The following RNF6 variants were observed in gnomAD, a reference collection of about 807,000 sequenced individuals.
RNF6 encodes ring finger protein 6.
Under a neutral mutation model 50.1 loss-of-function variants are expected in RNF6, and 21 were observed. The ratio of observed to expected loss-of-function variants is 0.42; its 90% CI spans 0.30 to 0.60. The LOEUF (loss-of-function observed/expected upper bound fraction) is 0.60, where lower values mean the gene tolerates loss of function less well. Ranked by LOEUF, RNF6 falls within the 20% of genes least tolerant of loss-of-function variation. RNF6 has a pLI of 0.20. For missense variants in RNF6, 698 were observed against 838.2 expected, an observed-to-expected ratio of 0.83 and a Z score of 2.07; for synonymous variants, 255 against 291.8, an observed-to-expected ratio of 0.87 and a Z score of 1.29.
chr13:26,148,650 A>C lies in RNF6; in HGVS notation n.769-16199T>G, dbSNP rs1296068641. On this transcript the variant is annotated intron_variant and non_coding_transcript_variant, in intron 5 of 5. Transcript: ENST00000468480. ...AATCTCTTTATATATATATATATATATATATATATATATATATATATGAGG... is the reference window on the plus strand; with the variant it reads ...AATCTCTTTATATATATATATATATCTATATATATATATATATATATGAGG... 1.3e-4 allele frequency among the ~76,000 whole-genome samples: 17 copies of C among 129,070 alleles called. 1 individual carries two copies. Among genetic ancestry groups the C allele is most frequent in the African/African-American group, 4.8e-4 (17 of 35,096 alleles). The allele number at this position is 129,070 out of a possible 152,430, so 84.7% of individuals were successfully genotyped here.
In RNF6 at chr13:26,136,212, G is replaced by A. The variant is rs779283991; in HGVS notation, n.769-3761C>T. On this transcript the variant is annotated intron_variant and non_coding_transcript_variant, in intron 5 of 5. Coordinates refer to the RNF6 transcript ENST00000468480. ...AAAATTCATCTTGCAGAGCAGCTCA[G>A]TAGAAAAGCATCTACCCTTATAGTC... Among the ~76,000 whole-genome samples the A allele has an allele frequency of 3.4e-4, 52 of 152,280 alleles. 1 individual carries two copies. The highest frequency in any genetic ancestry group is 7.8e-4 in the Admixed American group (12 of 15,292).
chr13:26,146,046 C>T (rs931991313), intron 5 of RNF6, among the ~76,000 whole-genome samples: 3 of 152,194 alleles, frequency 2.0e-5, no homozygotes, highest in African/African-American at 2.4e-5. Context: ...ACCACAGTGA[C>T]ATTTTGGGTC....
At chr13:26,194,750 C>T (rs1353226082) in intron 5 of RNF6, among the ~76,000 whole-genome samples, 1 of 152,160 alleles carries the variant, frequency 6.6e-6, no homozygotes, top group African/African-American at 2.4e-5. Flanking sequence ...AGTCCCAAAA[C>T]TGAAGAACTT....
intron 5 of RNF6, among the ~76,000 whole-genome samples, chr13:26,203,735 G>T (rs1196364384): frequency 6.6e-6 from 1 of 152,236 alleles, no homozygotes; most frequent in Non-Finnish European, 1.5e-5. Flanking sequence ...GCCCAGGCGG[G>T]CAGATCACGA....
intron 5 of RNF6, among the ~76,000 whole-genome samples, chr13:26,183,156 T>C (rs745410764): frequency 1.3e-5 from 2 of 152,220 alleles, no homozygotes; most frequent in African/African-American, 2.4e-5. Flanking sequence ...TCTATAGAAA[T>C]CTGTTATATG....
chr13:26,144,026 T>C (rs1409177968), intron 5 of RNF6, among the ~76,000 whole-genome samples: 1 of 152,180 alleles, frequency 6.6e-6, no homozygotes, highest in African/African-American at 2.4e-5. Flanking sequence ...GGAAGCAGTC[T>C]AATGTAATCA....
At chr13:26,203,554 A>T (rs1368821624) in intron 5 of RNF6, among the ~76,000 whole-genome samples, 1 of 152,258 alleles carries the variant, frequency 6.6e-6, no homozygotes. Flanking sequence ...GCTCAGGCCC[A>T]GGCCATGCTT....
At chr13:26,149,067 A>G (rs1871416876) in intron 5 of RNF6, 1 of 152,064 alleles carries the variant, frequency 6.6e-6, no homozygotes, top group Non-Finnish European at 1.5e-5. Context: ...ATCTCATCCA[A>G]AAATAGCCTC....
At chr13:26,134,684 T>C (rs527851653) in intron 5 of RNF6, among the ~76,000 whole-genome samples, 19 of 152,114 alleles carry the variant, frequency 1.2e-4, no homozygotes, top group Non-Finnish European at 2.5e-4. Context: ...TTTTTCTTTA[T>C]ATAATGCCCA....
At chr13:26,195,336 A>C (rs960929346) in intron 5 of RNF6, among the ~76,000 whole-genome samples, 27 of 152,318 alleles carry the variant, frequency 1.8e-4, no homozygotes, top group Admixed American at 5.2e-4. Flanking sequence ...ATCTTAACAG[A>C]AACCAAAGCT....
intron 5 of RNF6, among the ~76,000 whole-genome samples, chr13:26,195,626 C>T (rs73158291): frequency 0.07 from 10,646 of 152,186 alleles, 470 homozygotes; most frequent in African/African-American, 0.11. Context: ...AAATCAAAGA[C>T]AAATTAAAAA....
intron 5 of RNF6, among the ~76,000 whole-genome samples, chr13:26,179,511 G>C (rs1467588949): frequency 6.6e-6 from 1 of 152,308 alleles, no homozygotes; most frequent in East Asian, 1.9e-4. Context: ...AGGACCTCCT[G>C]TTCTGGGAGG....
At chr13:26,169,396 T>A (rs1045912337) in intron 5 of RNF6, among the ~76,000 whole-genome samples, 8 of 152,036 alleles carry the variant, frequency 5.3e-5, no homozygotes, top group Non-Finnish European at 1.0e-4. Context: ...CTGAAGAACA[T>A]TAACTCCCTG....
intron 5 of RNF6, among the ~76,000 whole-genome samples, chr13:26,188,908 A>G (rs980228380): frequency 3.3e-5 from 5 of 151,894 alleles, no homozygotes; most frequent in Admixed American, 1.3e-4. Flanking sequence ...GATTACAAGC[A>G]TGAGCCACTG....
chr13:26,145,750 C>A (rs1871201095), intron 5 of RNF6, among the ~76,000 whole-genome samples: 1 of 152,178 alleles, frequency 6.6e-6, no homozygotes, highest in Non-Finnish European at 1.5e-5. Context: ...CGATGGGGCA[C>A]TGATCTCTGA....
intron 5 of RNF6, among the ~76,000 whole-genome samples, chr13:26,176,492 T>C (rs531164653): frequency 1.2e-4 from 18 of 152,194 alleles, no homozygotes; most frequent in African/African-American, 2.9e-4. Flanking sequence ...GGGGATTGAA[T>C]TGTGTCCTTC....
intron 5 of RNF6, among the ~76,000 whole-genome samples, chr13:26,198,198 T>A (rs1281400513): frequency 1.3e-5 from 2 of 151,508 alleles, no homozygotes; most frequent in Admixed American, 1.3e-4. Flanking sequence ...TTGGCCCATA[T>A]GATTGTGAAG....
intron 5 of RNF6, among the ~76,000 whole-genome samples, chr13:26,165,317 G>A (rs1238541178): frequency 6.6e-6 from 1 of 152,218 alleles, no homozygotes; most frequent in Non-Finnish European, 1.5e-5. Context: ...GGAAACGCCT[G>A]GATGTCTAGG....
intron 5 of RNF6, among the ~76,000 whole-genome samples, chr13:26,196,866 G>A (rs1868687965): frequency 6.6e-6 from 1 of 151,782 alleles, no homozygotes; most frequent in Admixed American, 6.6e-5. Context: ...AACTGATTGT[G>A]AAAACAAAAA....
Sources: allele counts gnomAD v4.1 joint callset (sites outside exome capture counted in the v4.1 genomes callset), GRCh38; gene constraint gnomAD v4.1.1; transcripts MANE v1.5; gene names NCBI Gene and HGNC (gene_info 2026-07-23, HGNC 2026-07-21).